Variants in CPXM2 observed in about 807,000 individuals in gnomAD.
CPXM2 encodes carboxypeptidase X, M14 family member 2, also known as inactive carboxypeptidase-like protein X2.
A neutral mutation model predicts 86.1 loss-of-function variants in CPXM2; 66 were observed. That is an observed-to-expected ratio of 0.77 (90% CI 0.63 to 0.94). The LOEUF is 0.94. Ranked by LOEUF, CPXM2 falls within the 40% of genes least tolerant of loss-of-function variation. The probability of loss-of-function intolerance (pLI) is 0.00; values close to 1 mark genes in which losing one functional copy is unlikely to be tolerated. For synonymous variants in CPXM2, 388 were observed against 400.2 expected (o/e 0.97, Z 0.36); for missense variants, 948 against 1,026.3 (o/e 0.92, Z 1.04).
chr10:123,871,043 T>A (rs1052208029), intron 2 of CPXM2, among the ~76,000 whole-genome samples: 2 of 152,212 alleles, frequency 1.3e-5, no homozygotes, highest in African/African-American at 2.4e-5. Flanking sequence ...CCATGCTGGC[T>A]ACAGTGGCTG....
chr10:123,767,136 C>G lies in CPXM2; in HGVS notation c.1316G>C (p.Gly439Ala). 2 of 1,614,072 alleles carry G rather than the reference C, an allele frequency of 1.2e-6. No individual in the cohort carries two copies. The highest frequency in any genetic ancestry group is 1.7e-6 in the Non-Finnish European group (2 of 1,180,000). The change falls in exon 10 of 14, where the codon GGC becomes GCC. Residue 439 changes from glycine (G) to alanine (A), a missense_variant. Coordinates refer to ENST00000241305, the MANE Select transcript of CPXM2 (RefSeq NM_198148.3). ...KAYEGGSELGGWSLGRWTHDG... is the reference protein window; with the variant it reads ...KAYEGGSELGAWSLGRWTHDG... ...GTGGGTCCAGCGTCCCAGGGACCAG[C>G]CTCCCAGCTCCGAGCCCTGGAGACA... is the stretch of plus-strand genomic sequence containing the variant.
intron 2 of CPXM2, among the ~76,000 whole-genome samples, chr10:123,935,863 CCAT>C (rs1319566001): frequency 7.6e-5 from 4 of 52,658 alleles, no homozygotes; most frequent in Admixed American, 5.7e-4. Flanking sequence ...ACCACCACCA[CCAT>C]CACCACCATC....
chr10:123,799,920 G>GT (rs1396109127), intron 4 of CPXM2, among the ~76,000 whole-genome samples: 11 of 150,740 alleles, frequency 7.3e-5, no homozygotes, highest in Non-Finnish European at 1.3e-4. Context: ...CTCTGCCTCA[G>GT]TTTTTTATAA....
At position 123,865,033 on chromosome 10, in the gene CPXM2, C is replaced by T. The variant is rs1039776415; in HGVS notation, c.404-2310G>A. ...CCGCCGCCAGCAGTGCTGGCAGCTG[C>T]CACATCTAACAGCCATTCTTGTCCA... is the stretch of plus-strand genomic sequence containing the variant. On this transcript the variant is annotated intron_variant, in intron 2 of 13. Coordinates refer to ENST00000241305, the MANE Select transcript of CPXM2 (RefSeq NM_198148.3). The surrounding 1 kb of genome is among the most constrained non-coding windows in gnomAD (Gnocchi z 4.7). Among the ~76,000 whole-genome samples the T allele has an allele frequency of 1.3e-5, 2 of 152,194 alleles. No homozygotes were observed. Among genetic ancestry groups the T allele is most frequent in the Non-Finnish European group, 2.9e-5 (2 of 68,024 alleles).
At chr10:123,906,683 C>T (rs904180505) in intron 2 of CPXM2, among the ~76,000 whole-genome samples, 1 of 152,100 alleles carries the variant, frequency 6.6e-6, no homozygotes, top group Non-Finnish European at 1.5e-5. Flanking sequence ...CCCTGAAGAC[C>T]CCCAAACTTG....
intron 3 of CPXM2, chr10:123,843,415 G>T: frequency 3.1e-6 from 1 of 325,230 alleles, no homozygotes; most frequent in Non-Finnish European, 5.9e-6. Context: ...ATTTTTCCAT[G>T]GCTATTTCAC....
chr10:123,767,324 T>C (rs938632675), intron 9 of CPXM2, among the ~76,000 whole-genome samples, 172 bp from the exon 10 acceptor site: 1 of 152,208 alleles, frequency 6.6e-6, no homozygotes, highest in Non-Finnish European at 1.5e-5. Flanking sequence ...TTCCTATTAA[T>C]ATTTGGTGGG....
At position 123,835,896 on chromosome 10, in the gene CPXM2, A is replaced by G. The variant is rs559664142; in HGVS notation, c.653+6453T>C. 2.6e-5 allele frequency among the ~76,000 whole-genome samples: 4 copies of G among 152,300 alleles called. No homozygotes were observed. The East Asian group carries it at 5.8e-4, about 22-fold the overall frequency. On this transcript the variant is annotated intron_variant, in intron 4 of 13. Transcript: ENST00000241305. ...AAAAAGCTGGATCCAGTGGAAGAGAAAGGGTGGACTTGCTGAATGCTTCCT... is the reference window on the plus strand; with the variant it reads ...AAAAAGCTGGATCCAGTGGAAGAGAGAGGGTGGACTTGCTGAATGCTTCCT...
At chr10:123,805,466 T>C (rs1441827062) in intron 4 of CPXM2, among the ~76,000 whole-genome samples, 1 of 152,168 alleles carries the variant, frequency 6.6e-6, no homozygotes, top group Non-Finnish European at 1.5e-5. Context: ...TATGAACTAT[T>C]TAGAAGTGTG....
rs551796486 is a variant in CPXM2 at position 123,762,005 on chromosome 10, G to A, written c.1644C>T (p.Phe548=). The change falls in exon 11 of 14, where the codon TTC becomes TTT. Residue 548 remains phenylalanine (F), a synonymous_variant. Coordinates refer to ENST00000241305, the MANE Select transcript of CPXM2 (RefSeq NM_198148.3). ...AGGCATAGGAGTAGGCCAGCCAGCGGAACACGTGGTCGTCGGGGGTGGGGG... is the reference window on the plus strand; with the variant it reads ...AGGCATAGGAGTAGGCCAGCCAGCGAAACACGTGGTCGTCGGGGGTGGGGG... ...EHTPTPDDHV[F]RWLAYSYAST... The A allele has an allele frequency of 1.4e-4, 231 of 1,613,790 alleles. 5 individuals carry two copies. The South Asian group carries it at 2.4e-3, about 17-fold the overall frequency.
intron 3 of CPXM2, among the ~76,000 whole-genome samples, chr10:123,849,765 G>C (rs150670639): frequency 6.6e-6 from 1 of 152,232 alleles, no homozygotes; most frequent in South Asian, 2.1e-4. Context: ...CTTTAGTTGA[G>C]CAGCTTCTTT....
intron 2 of CPXM2, among the ~76,000 whole-genome samples, chr10:123,933,916 C>T (rs1945691230): frequency 6.6e-6 from 1 of 152,108 alleles, no homozygotes; most frequent in Non-Finnish European, 1.5e-5. Flanking sequence ...AAATACCTCT[C>T]CTTACCCAAC....
chr10:123,908,951 A>T (rs1945466601), intron 2 of CPXM2, among the ~76,000 whole-genome samples: 1 of 152,228 alleles, frequency 6.6e-6, no homozygotes, highest in East Asian at 1.9e-4. Context: ...TCAATTAAAA[A>T]AAAAGATTTA....
chr10:123,851,460 T>C (rs1848595550), intron 3 of CPXM2, among the ~76,000 whole-genome samples: 1 of 152,146 alleles, frequency 6.6e-6, no homozygotes, highest in African/African-American at 2.4e-5. Context: ...AATCTCAGAA[T>C]GTGACCTTAT....
At chr10:123,860,734 G>GT (rs1220467811) in intron 3 of CPXM2, among the ~76,000 whole-genome samples, 1 of 152,192 alleles carries the variant, frequency 6.6e-6, no homozygotes, top group African/African-American at 2.4e-5. Context: ...TGGAGGCACT[G>GT]TGGGGACACG....
Position 123,865,556 on chromosome 10 carries a change from G to C in CPXM2, c.404-2833C>G, listed in dbSNP as rs1373525669. Among the ~76,000 whole-genome samples the C allele has an allele frequency of 6.6e-6, 1 of 152,186 alleles. No homozygotes were observed. Among genetic ancestry groups the C allele is most frequent in the Non-Finnish European group, 1.5e-5 (1 of 68,048 alleles). The stretch of plus-strand genomic sequence containing the variant: ...CAGAACAGTGGATTCCAATGACACT[G>C]TCCACCTCCTATCACACCTCTGAGT... On this transcript the variant is annotated intron_variant, in intron 2 of 13. Coordinates refer to ENST00000241305, the MANE Select transcript of CPXM2 (RefSeq NM_198148.3). The surrounding 1 kb of genome is among the most constrained non-coding windows in gnomAD (Gnocchi z 4.7).
intron 13 of CPXM2, chr10:123,750,272 T>C (rs1384140524): frequency 1.0e-6 from 1 of 985,396 alleles, no homozygotes; most frequent in East Asian, 1.1e-4. Context: ...GTTCACCCCA[T>C]TCAGATAAGG....
At chr10:123,757,909 CA>C (rs1024095460) in intron 11 of CPXM2, among the ~76,000 whole-genome samples, 29 of 152,124 alleles carry the variant, frequency 1.9e-4, no homozygotes, top group African/African-American at 7.0e-4. Flanking sequence ...GTAGGCAACA[CA>C]GCACAATTTT....
At chr10:123,893,953 G>A (rs566972428), upstream of CPXM2, among the ~76,000 whole-genome samples, 40 of 152,296 alleles carry the variant, frequency 2.6e-4, no homozygotes, top group African/African-American at 8.2e-4. Context: ...ACACCCAGGC[G>A]GCACCCCAGA....
Sources: gnomAD v4.1 joint callset for allele counts (sites outside exome capture counted in the v4.1 genomes callset) on GRCh38, gnomAD v4.1.1 for gene constraint, Gnocchi (gnomAD v3.1) non-coding constraint, MANE v1.5 for transcripts, NCBI Gene and HGNC (gene_info 2026-07-23, HGNC 2026-07-21) for gene names.